P2RX5: variants seen among roughly 807,000 people sequenced by gnomAD.
The protein encoded by P2RX5 is P2X purinoceptor 5.
Under a neutral mutation model 54.1 loss-of-function variants are expected in P2RX5, and 46 were observed. That is an observed-to-expected ratio of 0.85 (90% CI 0.67 to 1.09). The LOEUF is 1.09. Ranked by LOEUF, P2RX5 falls within the 50% of genes least tolerant of loss-of-function variation. The pLI is 0.00. For synonymous variants in P2RX5, 226 were observed against 226.4 expected (o/e 1.00, Z 0.02); for missense variants, 566 against 549.8 (o/e 1.03, Z -0.29).
chr17:3,698,900 C>G (rs1242192847), upstream of P2RX5, among the ~76,000 whole-genome samples: 6 of 151,810 alleles, frequency 4.0e-5, no homozygotes, highest in East Asian at 1.2e-3. Context: ...AATTACTGGG[C>G]GACAACCAGC....
intron 10 of P2RX5, among the ~76,000 whole-genome samples, chr17:3,680,203 A>G (rs1245457989): frequency 0.011 from 510 of 47,054 alleles, no homozygotes; most frequent in African/African-American, 0.016. Context: ...TCCACCCTGC[A>G]TCCTCCACCC....
the P2RX5 span, chr17:3,723,436 A>T: frequency 1.5e-6 from 2 of 1,341,340 alleles, no homozygotes; most frequent in South Asian, 2.3e-5. Context: ...GAAAGTCTGA[A>T]ATCTTTTTAA....
At chr17:3,695,074 G>A (rs1304658495) in intron 1 of P2RX5, among the ~76,000 whole-genome samples, 2 of 152,194 alleles carry the variant, frequency 1.3e-5, no homozygotes, top group Non-Finnish European at 2.9e-5. Flanking sequence ...GCCCTCCCAG[G>A]AGGAAGCAGG....
intron 2 of P2RX5, 95 bp downstream of exon 2, chr17:3,691,548 TG>T: frequency 1.4e-6 from 2 of 1,461,338 alleles, no homozygotes; most frequent in South Asian, 2.3e-5. Flanking sequence ...AGATGATGGA[TG>T]GGGGTCCCTG....
At chr17:3,702,490 G>A in the P2RX5 span, among the ~76,000 whole-genome samples, 1 of 151,914 alleles carries the variant, frequency 6.6e-6, no homozygotes, top group Non-Finnish European at 1.5e-5. Context: ...CCTCTTCCAC[G>A]TTGTGGAAGT....
chr17:3,716,774 C>A, the P2RX5 span: 1 of 1,604,236 alleles, frequency 6.2e-7, no homozygotes, highest in Non-Finnish European at 8.5e-7. Context: ...TGGTACTTCT[C>A]ATCTTTCAGG....
At chr17:3,696,268 T>TTCCTCC (rs113006222), upstream of P2RX5, 13,224 of 257,658 alleles carry the variant, frequency 0.051, 716 homozygotes, top group African/African-American at 0.16. Flanking sequence ...CTACCTCTTC[T>TTCCTCC]TCCTCCTCCT....
chr17:3,707,841 G>A, the P2RX5 span, among the ~76,000 whole-genome samples: 5 of 151,930 alleles, frequency 3.3e-5, no homozygotes, highest in African/African-American at 4.8e-5. Context: ...GGTGGATCAC[G>A]AGGTCAGGAG....
chr17:3,685,143 C>T (rs958982212), intron 9 of P2RX5, among the ~76,000 whole-genome samples: 1 of 152,138 alleles, frequency 6.6e-6, no homozygotes, highest in African/African-American at 2.4e-5. Flanking sequence ...CTGCGCCCGG[C>T]CTAATCCTGC....
chr17:3,691,166 C>G, intron 2 of P2RX5, 139 bp from the exon 3 acceptor site: 1 of 688,778 alleles, frequency 1.5e-6, no homozygotes, highest in Admixed American at 2.1e-5. Context: ...TATACTCTGC[C>G]CATCTGCTCA....
At chr17:3,701,522 G>A in the P2RX5 span, among the ~76,000 whole-genome samples, 125 of 151,944 alleles carry the variant, frequency 8.2e-4, no homozygotes, top group Non-Finnish European at 1.3e-3. Context: ...GAGAAACCCC[G>A]TCTCTACTAA....
At chr17:3,719,723 T>A in the P2RX5 span, among the ~76,000 whole-genome samples, 14 of 151,748 alleles carry the variant, frequency 9.2e-5, no homozygotes, top group Admixed American at 3.9e-4. Context: ...GTAATTCATT[T>A]TTTATTTATT....
upstream of P2RX5, among the ~76,000 whole-genome samples, chr17:3,699,909 GGAAGGAAGGAAAGAAAGAAAGAAA>G (rs1370876214): frequency 1.3e-4 from 5 of 38,316 alleles, no homozygotes; most frequent in African/African-American, 2.9e-4. Context: ...AAGGAAGGAA[GGAAGGAAGGAAAGAAAGAAAGAAA>G]GAAAGAAAGA....
At chr17:3,704,952 G>C in the P2RX5 span, among the ~76,000 whole-genome samples, 1 of 152,328 alleles carries the variant, frequency 6.6e-6, no homozygotes, top group Admixed American at 6.5e-5. Flanking sequence ...GTTGCGGTGA[G>C]CGGAGATCAT....
rs577187855 is a variant in P2RX5 at position 3,681,097 on chromosome 17, C to T, written c.1064+799G>A. Among the ~76,000 whole-genome samples, 30 of 152,374 alleles carry T rather than the reference C, an allele frequency of 2.0e-4. No individual in the cohort carries two copies. In the South Asian group the frequency reaches 5.4e-3, roughly 27 times the overall value. On this transcript the variant is annotated intron_variant, in intron 10 of 11. Transcript: ENST00000225328. Reference sequence around the variant, plus strand: ...CGTCCTCCACCCGGCTTCCTCTACCCTGCTTCCTTCAGCAGCACAGTCAGG... The same window carrying T: ...CGTCCTCCACCCGGCTTCCTCTACCTTGCTTCCTTCAGCAGCACAGTCAGG...
chr17:3,706,291 C>A, the P2RX5 span, among the ~76,000 whole-genome samples: 108 of 152,016 alleles, frequency 7.1e-4, no homozygotes, highest in African/African-American at 2.2e-3. Flanking sequence ...GACAGGGTTT[C>A]GCCGTGTTGC....
chr17:3,700,018 T>C (rs896808758), upstream of P2RX5, among the ~76,000 whole-genome samples: 8 of 152,110 alleles, frequency 5.3e-5, no homozygotes, highest in Admixed American at 2.0e-4. Context: ...TGTGAAACTT[T>C]TGTTTTAAGT....
intron 9 of P2RX5, 59 bp downstream of exon 9, chr17:3,687,953 C>G: frequency 2.9e-6 from 1 of 348,682 alleles, no homozygotes; most frequent in Non-Finnish European, 5.5e-6. Flanking sequence ...ACCCTCCCAA[C>G]GTCCCCCTCC....
At chr17:3,709,960 A>G in the P2RX5 span, among the ~76,000 whole-genome samples, 2 of 152,158 alleles carry the variant, frequency 1.3e-5, no homozygotes, top group Non-Finnish European at 1.5e-5. Flanking sequence ...TAATAAAATG[A>G]AAGTTTCCCT....
Sources: allele counts gnomAD v4.1 joint callset (sites outside exome capture counted in the v4.1 genomes callset), GRCh38; gene constraint gnomAD v4.1.1; transcripts MANE v1.5; gene names NCBI Gene and HGNC (gene_info 2026-07-23, HGNC 2026-07-21).